CENPP: variants seen among roughly 807,000 people sequenced by gnomAD.
CENPP encodes centromere protein P.
Under a neutral mutation model 35.6 loss-of-function variants are expected in CENPP, and 24 were observed. The ratio of observed to expected loss-of-function variants is 0.67; its 90% CI spans 0.49 to 0.95. CENPP has a LOEUF of 0.95. Among genes scored for constraint, CENPP ranks in the 40% least tolerant of loss-of-function variants. The pLI is 0.00. For missense variants in CENPP, 332 were observed against 345.3 expected (o/e 0.96, Z 0.31); for synonymous variants, 120 against 125.5 (o/e 0.96, Z 0.29).
At chr9:92,566,312 CA>C (rs922201185) in intron 5 of CENPP, among the ~76,000 whole-genome samples, 1 of 147,088 alleles carries the variant, frequency 6.8e-6, no homozygotes, top group Non-Finnish European at 1.5e-5. Flanking sequence ...AAAAAAAAAA[CA>C]AAAACACAAA....
At chr9:92,502,769 C>A in intron 5 of CENPP, 6 of 763,564 alleles carry the variant, frequency 7.9e-6, no homozygotes, top group Non-Finnish European at 7.6e-6. Flanking sequence ...AAGAGTCTTA[C>A]TGCTCTTTCA....
At chr9:92,427,196 T>C (rs1843988843) in intron 5 of CENPP, among the ~76,000 whole-genome samples, 1 of 152,226 alleles carries the variant, frequency 6.6e-6, no homozygotes, top group South Asian at 2.1e-4. Flanking sequence ...ACAGTCTGGC[T>C]CTGTCGCCAA....
At chr9:92,567,432 T>C (rs970888491) in intron 5 of CENPP, among the ~76,000 whole-genome samples, 2 of 134,934 alleles carry the variant, frequency 1.5e-5, no homozygotes, top group Non-Finnish European at 3.3e-5. Context: ...TTAGATTAAT[T>C]AGCGTATCCA....
intron 1 of CENPP, among the ~76,000 whole-genome samples, chr9:92,329,182 C>CTTTTTTT (rs11366828): frequency 9.6e-6 from 1 of 104,428 alleles, no homozygotes; most frequent in Non-Finnish European, 1.8e-5. Context: ...ATATTTATGG[C>CTTTTTTT]TTTTTTTTTT....
chr9:92,455,380 ACT>A (rs1393616941), intron 5 of CENPP, among the ~76,000 whole-genome samples: 2 of 151,840 alleles, frequency 1.3e-5, no homozygotes, highest in East Asian at 3.9e-4. Context: ...ACAGAGCAAG[ACT>A]CTGTCTCTTA....
chr9:92,349,750 T>C (rs184112292), intron 4 of CENPP, among the ~76,000 whole-genome samples: 23 of 152,326 alleles, frequency 1.5e-4, no homozygotes, highest in Non-Finnish European at 1.5e-5. Flanking sequence ...TAGCATATTA[T>C]CTTTATATAT....
chr9:92,372,531 A>C (rs1241592311), intron 4 of CENPP, among the ~76,000 whole-genome samples: 1 of 152,114 alleles, frequency 6.6e-6, no homozygotes, highest in East Asian at 1.9e-4. Flanking sequence ...TTTACCAGTG[A>C]GTTTTACACT....
At chr9:92,357,907 C>T (rs1362043646) in intron 4 of CENPP, among the ~76,000 whole-genome samples, 4 of 152,030 alleles carry the variant, frequency 2.6e-5, no homozygotes, top group Admixed American at 6.6e-5. Flanking sequence ...CTTCTGGCCT[C>T]CATACTTTCT....
In CENPP at chr9:92,613,721, C is replaced by G. The variant is rs1486075811; in HGVS notation, c.*572C>G. On this transcript the variant is annotated 3_prime_UTR_variant, in exon 8 of 8. Transcript: ENST00000375587. ...GAAAGTGAAGCTGTCAGCTTAATAA[C>G]AAGAATGGCCTAAGACAGCAAAGAC... 6.3e-6 allele frequency: 1 copy of G among 157,542 alleles called. No individual in the cohort carries two copies. The allele number at this position is 157,542 out of a possible 1,614,324, so 9.8% of individuals were successfully genotyped here.
At chr9:92,351,843 T>C (rs1335307481) in intron 4 of CENPP, among the ~76,000 whole-genome samples, 1 of 151,736 alleles carries the variant, frequency 6.6e-6, no homozygotes, top group African/African-American at 2.4e-5. Context: ...CAGGCTGGTC[T>C]TGAATTCCTG....
intron 5 of CENPP, among the ~76,000 whole-genome samples, chr9:92,581,549 C>T (rs1184083457): frequency 2.0e-5 from 3 of 152,084 alleles, no homozygotes; most frequent in Non-Finnish European, 4.4e-5. Context: ...GTGGTAGCTT[C>T]GTTACTCTCA....
At position 92,389,789 on chromosome 9, in the gene CENPP, A is replaced by C. The variant is rs1208455854; in HGVS notation, c.564+9930A>C. 13 of 1,078,566 alleles carry C rather than the reference A, an allele frequency of 1.2e-5. 1 individual carries two copies. In the South Asian group the frequency reaches 1.8e-4, roughly 15 times the overall value. 66.8% of individuals were successfully genotyped at this position (1,078,566 alleles called of 1,614,324 possible). The stretch of plus-strand genomic sequence containing the variant: ...GTAATCAAAATACAATTCTAGACCA[A>C]AGTTTCTCTTTTATCTATCATATCA... On this transcript the variant is annotated intron_variant, in intron 5 of 7. Transcript: ENST00000375587.
At chr9:92,568,675 G>A (rs550029947) in intron 5 of CENPP, among the ~76,000 whole-genome samples, 6 of 152,306 alleles carry the variant, frequency 3.9e-5, no homozygotes, top group Non-Finnish European at 8.8e-5. Flanking sequence ...CTTCCACAAT[G>A]GTTGAACTAG....
intron 5 of CENPP, among the ~76,000 whole-genome samples, chr9:92,488,637 C>A (rs539561316): frequency 6.6e-6 from 1 of 152,250 alleles, no homozygotes; most frequent in South Asian, 2.1e-4. Context: ...TAGTTAAATT[C>A]ACTTTCCAAA....
chr9:92,532,276 T>G (rs1848846978), intron 5 of CENPP, among the ~76,000 whole-genome samples: 1 of 152,024 alleles, frequency 6.6e-6, no homozygotes, highest in South Asian at 2.1e-4. Context: ...TTTTAAGATG[T>G]TCTCATTGTC....
chr9:92,453,250 T>C (rs1844768520), intron 5 of CENPP, among the ~76,000 whole-genome samples: 1 of 152,146 alleles, frequency 6.6e-6, no homozygotes, highest in East Asian at 1.9e-4. Flanking sequence ...GCTATAAATT[T>C]CCCTCTACAC....
intron 5 of CENPP, among the ~76,000 whole-genome samples, chr9:92,514,273 AC>A (rs1204514533): frequency 1.4e-5 from 2 of 139,490 alleles, no homozygotes; most frequent in Admixed American, 7.1e-5. Context: ...AGAGTCATTT[AC>A]TTTTTTTTTT....
intron 5 of CENPP, among the ~76,000 whole-genome samples, chr9:92,416,105 T>A (rs1279431760): frequency 7.0e-6 from 1 of 142,052 alleles, no homozygotes; most frequent in Admixed American, 7.1e-5. Flanking sequence ...TTTATTTTAT[T>A]TTTTTTTTTT....
At chr9:92,600,090 A>G (rs1382203581) in intron 5 of CENPP, among the ~76,000 whole-genome samples, 1 of 152,260 alleles carries the variant, frequency 6.6e-6, no homozygotes, top group Non-Finnish European at 1.5e-5. Flanking sequence ...TACCTAAGTG[A>G]GGGTGGCTGT....
Sources: allele counts gnomAD v4.1 joint callset (sites outside exome capture counted in the v4.1 genomes callset), GRCh38; gene constraint gnomAD v4.1.1; transcripts MANE v1.5; gene names NCBI Gene and HGNC (gene_info 2026-07-23, HGNC 2026-07-21).